The following MAML3 variants were observed in gnomAD, a reference collection of about 807,000 sequenced individuals.
MAML3 encodes mastermind-like protein 3.
In MAML3, 27 loss-of-function variants were observed where a neutral mutation model predicts 101.9. That is an observed-to-expected ratio of 0.27 (90% confidence interval 0.20 to 0.37). The LOEUF (loss-of-function observed/expected upper bound fraction) is 0.37. Among genes scored for constraint, MAML3 ranks in the 10% least tolerant of loss-of-function variants. MAML3 has a pLI of 1.00. For missense variants in MAML3, 1,316 were observed against 1,444.9 expected (o/e 0.91, Z 1.45); for synonymous variants, 501 against 555.9 (o/e 0.90, Z 1.39).
chr4:139,910,253 T>G (rs905262681), intron 1 of MAML3, among the ~76,000 whole-genome samples: 1 of 152,228 alleles, frequency 6.6e-6, no homozygotes, highest in Non-Finnish European at 1.5e-5. Context: ...CCAGGCTTTC[T>G]GAATCAGAAA....
intron 1 of MAML3, chr4:140,133,175 A>G (rs1025822329): frequency 1.5e-5 from 6 of 396,490 alleles, no homozygotes; most frequent in South Asian, 1.1e-4. Flanking sequence ...AAAAAGAAAA[A>G]AAAGAGAGTT....
At chr4:139,912,690 C>T (rs534509131) in intron 1 of MAML3, among the ~76,000 whole-genome samples, 12 of 152,318 alleles carry the variant, frequency 7.9e-5, no homozygotes, top group East Asian at 7.7e-4. Context: ...GGGAGAGTGC[C>T]GTTTGACGGC....
chr4:140,011,935 G>A (rs534834249), intron 1 of MAML3, among the ~76,000 whole-genome samples: 1 of 151,878 alleles, frequency 6.6e-6, no homozygotes, highest in Non-Finnish European at 1.5e-5. Flanking sequence ...ATTTCTTCCT[G>A]CCTAAATTAT....
intron 1 of MAML3, among the ~76,000 whole-genome samples, chr4:139,969,884 G>C (rs953513561): frequency 6.6e-6 from 1 of 152,184 alleles, no homozygotes; most frequent in East Asian, 1.9e-4. Context: ...GCACCTGATG[G>C]AGTAGACACA....
intron 1 of MAML3, among the ~76,000 whole-genome samples, chr4:139,986,649 C>T (rs917880754): frequency 1.0e-4 from 15 of 150,240 alleles, no homozygotes; most frequent in Non-Finnish European, 1.9e-4. Context: ...AAAACCAATG[C>T]CAATGAATCA....
intron 1 of MAML3, among the ~76,000 whole-genome samples, chr4:140,011,480 GA>G (rs1947633535): frequency 1.3e-5 from 2 of 148,666 alleles, no homozygotes; most frequent in Non-Finnish European, 3.0e-5. Flanking sequence ...GAGTAGCTGG[GA>G]CTACAGGCGC....
intron 1 of MAML3, among the ~76,000 whole-genome samples, chr4:140,115,219 A>T (rs933111808): frequency 2.0e-5 from 3 of 152,220 alleles, no homozygotes; most frequent in Non-Finnish European, 4.4e-5. Flanking sequence ...ATGAGTTAGC[A>T]CTATTTTTGA....
chr4:139,786,718 A>G (rs1730310250), intron 2 of MAML3, among the ~76,000 whole-genome samples: 1 of 152,234 alleles, frequency 6.6e-6, no homozygotes, highest in African/African-American at 2.4e-5. Context: ...GGCTGTGTTC[A>G]CAGCAGGAAG....
chr4:140,066,376 C>T (rs573600356), intron 1 of MAML3, among the ~76,000 whole-genome samples: 7 of 152,310 alleles, frequency 4.6e-5, no homozygotes, highest in South Asian at 2.1e-4. Context: ...TAAAGGCCAG[C>T]TCCTGATATG....
Position 139,967,186 on chromosome 4 carries a change from T to G in MAML3, c.469-76219A>C, listed in dbSNP as rs558695741. Among the ~76,000 whole-genome samples the G allele has an allele frequency of 1.4e-4, 22 of 152,232 alleles. No individual in the cohort carries two copies. In the East Asian group the frequency reaches 4.1e-3, roughly 28 times the overall value. ...TCATAAATATTTGGGAATTTCTCAC[T>G]GCTAAGTAAAAAGAGGAGAAGCAGA... On this transcript the variant is annotated intron_variant, in intron 1 of 4. Coordinates refer to ENST00000509479, the MANE Select transcript of MAML3 (RefSeq NM_018717.5).
At chr4:139,942,120 G>A (rs1424975651) in intron 1 of MAML3, among the ~76,000 whole-genome samples, 2 of 151,722 alleles carry the variant, frequency 1.3e-5, no homozygotes, top group African/African-American at 4.8e-5. Flanking sequence ...GGCAATAAGA[G>A]CAAAACTCCA....
chr4:140,028,550 C>T (rs1256950052), intron 1 of MAML3, among the ~76,000 whole-genome samples: 3 of 152,154 alleles, frequency 2.0e-5, no homozygotes, highest in African/African-American at 7.2e-5. Flanking sequence ...CACTGGCTAA[C>T]ACATCATCTA....
At chr4:140,044,271 T>G (rs1467659606) in intron 1 of MAML3, among the ~76,000 whole-genome samples, 3 of 152,150 alleles carry the variant, frequency 2.0e-5, no homozygotes, top group Admixed American at 2.0e-4. Context: ...GAGGGAGGGC[T>G]TAAAGGGTGG....
chr4:140,008,991 G>A (rs1351833527), intron 1 of MAML3, among the ~76,000 whole-genome samples: 1 of 151,978 alleles, frequency 6.6e-6, no homozygotes, highest in Admixed American at 6.6e-5. Flanking sequence ...TATCTAAAAG[G>A]GTCATCTTTC....
Position 140,153,465 on chromosome 4 carries a change from C to T in MAML3, c.-138G>A, listed in dbSNP as rs1268291358. ...AGCACATGGATGGAAACGGCGATCC[C>T]GACGGGGCGAAAAAAACGGGGGGGG... On this transcript the variant is annotated 5_prime_UTR_variant, in exon 1 of 5. Transcript: ENST00000509479. 1.1e-6 allele frequency: 1 copy of T among 950,432 alleles called. No individual in the cohort carries two copies. Among genetic ancestry groups the T allele is most frequent in the African/African-American group, 1.8e-5 (1 of 56,842 alleles). The allele number at this position is 950,432 out of a possible 1,614,324, so 58.9% of individuals were successfully genotyped here. A position where few individuals can be genotyped will look rare whatever the true frequency, so the allele number is the denominator to read the frequency against.
rs1422289115 is a variant in MAML3, at chr4:139,828,162, G to GA, written c.2079+61194dup. ...TTAATCATAAACCCATTAACATTTA[G>GA]AAAAAAAACAATTATAACATGGCTT... On this transcript the variant is annotated intron_variant, in intron 2 of 4. Transcript: ENST00000509479. Among the ~76,000 whole-genome samples the GA allele has an allele frequency of 1.4e-4, 22 of 152,028 alleles. No individual in the cohort carries two copies. In the East Asian group the frequency reaches 3.9e-3, roughly 27 times the overall value.
At chr4:140,065,558 C>T (rs545133851) in intron 1 of MAML3, among the ~76,000 whole-genome samples, 1 of 152,292 alleles carries the variant, frequency 6.6e-6, no homozygotes, top group East Asian at 1.9e-4. Context: ...CAGACAGTCT[C>T]TGCTGACCTT....
At chr4:140,116,235 G>T (rs1183990995) in intron 1 of MAML3, among the ~76,000 whole-genome samples, 1 of 152,184 alleles carries the variant, frequency 6.6e-6, no homozygotes, top group South Asian at 2.1e-4. Flanking sequence ...ATTAACATCT[G>T]GGCTCAAATT....
chr4:140,082,406 A>T (rs916802996), intron 1 of MAML3, among the ~76,000 whole-genome samples: 2 of 152,218 alleles, frequency 1.3e-5, no homozygotes, highest in African/African-American at 2.4e-5. Context: ...TGCCTCTGAG[A>T]GGAAGGTGGG....
Sources: gnomAD v4.1 joint callset for allele counts (sites outside exome capture counted in the v4.1 genomes callset) on GRCh38, gnomAD v4.1.1 for gene constraint, MANE v1.5 for transcripts, NCBI Gene and HGNC (gene_info 2026-07-23, HGNC 2026-07-21) for gene names.